The following TMEM220 variants were observed in gnomAD, a reference collection of about 807,000 sequenced individuals.
The protein encoded by TMEM220 is transmembrane protein 220.
TMEM220 carries 21 observed loss-of-function variants against 21.7 expected under a neutral mutation model. The observed-to-expected ratio is 0.97, with a 90% CI of 0.69 to 1.39. TMEM220 has a LOEUF of 1.39. Ranked by LOEUF, TMEM220 falls within the 40% of genes most tolerant of loss-of-function variation. The pLI, the probability that TMEM220 is intolerant of heterozygous loss-of-function variation, is 0.00. For missense variants in TMEM220, 191 were observed against 201.9 expected (o/e 0.95, Z 0.33); for synonymous variants, 80 against 73.6 (o/e 1.09, Z -0.45).
intron 4 of TMEM220, 98 bp downstream of exon 4, chr17:10,724,913 A>T: frequency 2.0e-6 from 3 of 1,504,508 alleles, no homozygotes; most frequent in Non-Finnish European, 2.8e-6. Flanking sequence ...CACTGGGGGA[A>T]TTCAGTTATC....
At chr17:10,715,756 T>C (rs1442954183) in intron 5 of TMEM220, among the ~76,000 whole-genome samples, 168 bp from the exon 6 acceptor site, 1 of 152,198 alleles carries the variant, frequency 6.6e-6, no homozygotes, top group Non-Finnish European at 1.5e-5. Flanking sequence ...ATATGCTAAA[T>C]ATAAATCCTT....
chr17:10,712,595 G>A (rs423877), downstream of TMEM220, among the ~76,000 whole-genome samples: 75,758 of 152,030 alleles, frequency 0.5, 19,668 homozygotes, highest in African/African-American at 0.65. Flanking sequence ...GGAACATGGA[G>A]GATGAATTTA....
chr17:10,719,932 A>G (rs1383337196), intron 5 of TMEM220, among the ~76,000 whole-genome samples: 1 of 152,204 alleles, frequency 6.6e-6, no homozygotes, highest in Non-Finnish European at 1.5e-5. Context: ...TTTTTATAGA[A>G]AAAGAAATAT....
chr17:10,729,630 G>A (rs2075098451), intron 1 of TMEM220, 150 bp downstream of exon 1: 1 of 582,968 alleles, frequency 1.7e-6, no homozygotes, highest in Non-Finnish European at 2.6e-6. Context: ...GGGAGAAAGT[G>A]GGGGCTCCCC....
rs146754213 is a variant in TMEM220 at position 10,729,039 on chromosome 17, C to G, written c.94G>C (p.Val32Leu). The change falls in exon 2 of 6, where the codon GTG becomes CTG. Residue 32 changes from valine (V) to leucine (L), a missense_variant. Physicochemically the swap from Val to Leu is conservative, Grantham distance 32. Coordinates refer to ENST00000341871, the MANE Select transcript of TMEM220 (RefSeq NM_001004313.3). ...LVQVNDPDAE[V>L]WVVVYTIPAV... ...AAGCGGCTCATACTCACCACCCACA[C>G]CTCTGCATCTGGGTCATTTACCTGG... 6 of 1,614,104 alleles carry G rather than the reference C, an allele frequency of 3.7e-6. No homozygotes were observed. The highest frequency in any genetic ancestry group is 4.2e-6 in the Non-Finnish European group (5 of 1,180,048).
rs745853251 is a variant in TMEM220 at position 10,729,868 on chromosome 17, C to T, written c.-17G>A. 3.8e-6 allele frequency: 5 copies of T among 1,311,534 alleles called. No individual in the cohort carries two copies. Among genetic ancestry groups the T allele is most frequent in the Non-Finnish European group, 3.9e-6 (4 of 1,026,448 alleles). The allele number at this position is 1,311,534 out of a possible 1,614,324, so 81.2% of individuals were successfully genotyped here. A position where few individuals can be genotyped will look rare whatever the true frequency, so the allele number is the denominator to read the frequency against. On this transcript the variant is annotated 5_prime_UTR_variant, in exon 1 of 6. Coordinates refer to ENST00000341871, the MANE Select transcript of TMEM220 (RefSeq NM_001004313.3). ...TGGCGCCATGGCTCGGAGAACACGG[C>T]GCGGGGCGGTGAGTCCTGCCACGTG...
At chr17:10,721,583 C>T (rs2905216) in intron 5 of TMEM220, among the ~76,000 whole-genome samples, 68,856 of 133,024 alleles carry the variant, frequency 0.52, 17,644 homozygotes, top group African/African-American at 0.65. Context: ...CCAGCCTGAG[C>T]AACAGAGCAA....
At chr17:10,721,033 C>T (rs1417346198) in intron 5 of TMEM220, among the ~76,000 whole-genome samples, 3 of 152,092 alleles carry the variant, frequency 2.0e-5, no homozygotes, top group East Asian at 1.9e-4. Context: ...TATATGTGTA[C>T]GTGTATATAT....
At chr17:10,723,484 C>T (rs1192502285) in intron 4 of TMEM220, among the ~76,000 whole-genome samples, 155 bp from the exon 5 acceptor site, 1 of 152,108 alleles carries the variant, frequency 6.6e-6, no homozygotes, top group Non-Finnish European at 1.5e-5. Flanking sequence ...CAAATCTGAC[C>T]ATGATTCATA....
intron 4 of TMEM220, 88 bp downstream of exon 4, chr17:10,724,920 TATC>T: frequency 6.5e-7 from 1 of 1,546,660 alleles, no homozygotes; most frequent in South Asian, 1.1e-5. Context: ...GGAATTCAGT[TATC>T]ATTGTGCACA....
At chr17:10,717,352 G>A (rs2074934096) in intron 5 of TMEM220, among the ~76,000 whole-genome samples, 1 of 152,170 alleles carries the variant, frequency 6.6e-6, no homozygotes, top group African/African-American at 2.4e-5. Flanking sequence ...TCCCTCCTAC[G>A]CCCATTTTCT....
At chr17:10,712,819 G>A (rs2074863254), downstream of TMEM220, among the ~76,000 whole-genome samples, 1 of 152,214 alleles carries the variant, frequency 6.6e-6, no homozygotes, top group Admixed American at 6.5e-5. Flanking sequence ...AGGACAGGCT[G>A]GGGCCATATT....
intron 5 of TMEM220, among the ~76,000 whole-genome samples, chr17:10,720,109 G>A (rs934897885): frequency 6.6e-6 from 1 of 152,206 alleles, no homozygotes; most frequent in Non-Finnish European, 1.5e-5. Context: ...GCCATGGCTG[G>A]TTGGGATGCA....
In TMEM220 at chr17:10,723,254, T is replaced by C. The variant is rs1397131103; in HGVS notation, c.347+16A>G. 1 of 1,612,738 alleles carries C rather than the reference T, an allele frequency of 6.2e-7. No homozygotes were observed. The highest frequency in any genetic ancestry group is 8.5e-7 in the Non-Finnish European group (1 of 1,178,800). On this transcript the variant is annotated intron_variant, in intron 5 of 5. Transcript: ENST00000341871. ...TCGGCCTCCCAAAGTGAAGATGTGATGAGTTGAATACTTACTTTGAGGAAC... is the reference window on the plus strand; with the variant it reads ...TCGGCCTCCCAAAGTGAAGATGTGACGAGTTGAATACTTACTTTGAGGAAC...
chr17:10,720,114 G>T (rs1185181206), intron 5 of TMEM220, among the ~76,000 whole-genome samples: 2 of 152,192 alleles, frequency 1.3e-5, no homozygotes, highest in South Asian at 2.1e-4. Flanking sequence ...GGCTGGTTGG[G>T]ATGCAAAATG....
chr17:10,714,470 T>C lies in TMEM220; in HGVS notation c.*983A>G, dbSNP rs959419304. 2.0e-5 allele frequency: 3 copies of C among 152,188 alleles called. No individual in the cohort carries two copies. Among genetic ancestry groups the C allele is most frequent in the African/African-American group, 7.2e-5 (3 of 41,448 alleles). The allele number at this position is 152,188 out of a possible 1,614,324, so 9.4% of individuals were successfully genotyped here. A position where few individuals can be genotyped will look rare whatever the true frequency, so the allele number is the denominator to read the frequency against. On this transcript the variant is annotated 3_prime_UTR_variant, in exon 6 of 6. Transcript: ENST00000341871. ...TATAGATTTTGACCTTATTTCTCAT[T>C]TAGAATGTAGTTATAGTCCCTATTG...
Position 10,727,362 on chromosome 17 carries a change from A to G in TMEM220, c.103-1098T>C, listed in dbSNP as rs74749811. On this transcript the variant is annotated intron_variant, in intron 2 of 5. Coordinates refer to ENST00000341871, the MANE Select transcript of TMEM220 (RefSeq NM_001004313.3). ...TCCAAGGCAGTGGTAAGGAACAGAG[A>G]GATGATAAAGATGACTGAGATTCTG... 9.6e-4 allele frequency among the ~76,000 whole-genome samples: 146 copies of G among 152,206 alleles called. 1 individual carries two copies. The East Asian group carries it at 0.022, about 23-fold the overall frequency.
chr17:10,716,020 A>G (rs943536052), intron 5 of TMEM220: 1 of 518,228 alleles, frequency 1.9e-6, no homozygotes, highest in Admixed American at 3.2e-5. Context: ...TGTTCTTGAT[A>G]ATGGTAATTA....
rs1228585342 is a variant in TMEM220, at chr17:10,721,622, A to C, written c.347+1648T>G. 2.2e-4 allele frequency among the ~76,000 whole-genome samples: 32 copies of C among 145,132 alleles called. 1 individual carries two copies. Among genetic ancestry groups the C allele is most frequent in the African/African-American group, 8.1e-4 (31 of 38,162 alleles). On this transcript the variant is annotated intron_variant, in intron 5 of 5. Coordinates refer to ENST00000341871, the MANE Select transcript of TMEM220 (RefSeq NM_001004313.3). ...TCTGTCTCAAAAAAAAAAAAAAAGA[A>C]AAAAAGAAAAAAAAGAAAAAAAAAA... is the stretch of plus-strand genomic sequence containing the variant.
Sources: gnomAD v4.1 joint callset for allele counts (sites outside exome capture counted in the v4.1 genomes callset) on GRCh38, gnomAD v4.1.1 for gene constraint, MANE v1.5 for transcripts, NCBI Gene and HGNC (gene_info 2026-07-23, HGNC 2026-07-21) for gene names.